The following TET3 variants were observed in gnomAD, a reference collection of about 807,000 sequenced individuals.
TET3 encodes methylcytosine dioxygenase TET3.
A neutral mutation model predicts 141.4 loss-of-function variants in TET3; 19 were observed. That is an observed-to-expected ratio of 0.13 (90% CI 0.09 to 0.20). TET3 has a LOEUF of 0.20. TET3 is among the 10% of genes least tolerant of loss of function. The probability of loss-of-function intolerance (pLI) is 1.00; values close to 1 mark genes in which losing one functional copy is unlikely to be tolerated. For synonymous variants in TET3, 1,043 were observed against 980.9 expected (o/e 1.06, Z -1.18); for missense variants, 1,874 against 2,356.9 (o/e 0.80, Z 4.24).
intron 5 of TET3, among the ~76,000 whole-genome samples, chr2:74,079,364 A>AT (rs1187365291): frequency 2.0e-5 from 3 of 152,198 alleles, no homozygotes; most frequent in Non-Finnish European, 1.5e-5. Context: ...AGAAAAAAAA[A>AT]GAAAGCCCCT....
chr2:74,052,197 C>T (rs1687982409), intron 4 of TET3, among the ~76,000 whole-genome samples: 1 of 152,214 alleles, frequency 6.6e-6, no homozygotes, highest in Non-Finnish European at 1.5e-5. Flanking sequence ...CCAGGCTGGT[C>T]TCAAACTCCT....
chr2:74,026,352 C>T (rs1686356846), intron 3 of TET3, among the ~76,000 whole-genome samples: 1 of 152,116 alleles, frequency 6.6e-6, no homozygotes, highest in South Asian at 2.1e-4. Flanking sequence ...TTTTAACACC[C>T]CTGTCACCCC....
At chr2:74,025,128 GC>G (rs1202941714) in intron 3 of TET3, among the ~76,000 whole-genome samples, 1 of 150,236 alleles carries the variant, frequency 6.7e-6, no homozygotes, top group Non-Finnish European at 1.5e-5. Context: ...GGAGGCTGAG[GC>G]AGGAGAATGG....
chr2:74,030,993 T>G (rs1686653188), intron 3 of TET3, among the ~76,000 whole-genome samples: 1 of 150,156 alleles, frequency 6.7e-6, no homozygotes, highest in African/African-American at 2.5e-5. Context: ...CGGGGGGGAG[T>G]TGCTGAGGAA....
rs187613106 is a variant in TET3 at position 74,035,074 on chromosome 2, C to T, written c.361-11204C>T. Among the ~76,000 whole-genome samples, 1,084 of 149,398 alleles carry T rather than the reference C, an allele frequency of 7.3e-3. 9 individuals carry two copies. Among genetic ancestry groups the T allele is most frequent in the Middle Eastern group, 0.018 (5 of 280 alleles). On this transcript the variant is annotated intron_variant, in intron 3 of 11. Transcript: ENST00000409262. Reference sequence around the variant, plus strand: ...AAAATCAGCCAGGTATGGTGGCGGGCGCCTGTAGTCCCAGCTATTCGGGAG... The same window carrying T: ...AAAATCAGCCAGGTATGGTGGCGGGTGCCTGTAGTCCCAGCTATTCGGGAG...
intron 3 of TET3, among the ~76,000 whole-genome samples, chr2:74,008,917 C>T (rs1057474642): frequency 2.6e-5 from 4 of 152,208 alleles, no homozygotes; most frequent in African/African-American, 7.2e-5. Context: ...GATTTCTCAA[C>T]CCCGCCTCCA....
intron 4 of TET3, among the ~76,000 whole-genome samples, chr2:74,064,980 T>C (rs937845058): frequency 6.6e-6 from 1 of 152,230 alleles, no homozygotes. Flanking sequence ...CCAACCTCCA[T>C]GTTGTTCAAG....
rs374857707 is a variant in TET3, at chr2:74,073,676, T to C, written c.2585+37T>C. 4.0e-6 allele frequency: 6 copies of C among 1,516,910 alleles called. No individual in the cohort carries two copies. The African/African-American group carries it at 8.4e-5, about 21-fold the overall frequency. 94.0% of individuals were successfully genotyped at this position (1,516,910 alleles called of 1,614,324 possible). A position where few individuals can be genotyped will look rare whatever the true frequency, so the allele number is the denominator to read the frequency against. ...ACAGATGTCCAAGGAGAAATGGATG[T>C]GCTGTTAATGGAATACGGATATTAA... On this transcript the variant is annotated intron_variant, in intron 5 of 11. Coordinates refer to ENST00000409262, the MANE Select transcript of TET3 (RefSeq NM_001287491.2).
chr2:74,002,819 G>A (rs1020071122), intron 2 of TET3: 1 of 570,008 alleles, frequency 1.8e-6, no homozygotes, highest in Admixed American at 3.1e-5. Context: ...GCGCGGGGCC[G>A]GGGATGGCCG....
At chr2:74,121,815 T>A in the TET3 span, 1 of 152,288 alleles carries the variant, frequency 6.6e-6, no homozygotes. Flanking sequence ...CTGGACAACA[T>A]GGTGAAACCC....
At chr2:74,116,549 T>C in the TET3 span, among the ~76,000 whole-genome samples, 4 of 151,448 alleles carry the variant, frequency 2.6e-5, no homozygotes, top group Admixed American at 6.6e-5. Context: ...TGTGGTGGTG[T>C]GTGTGTGTGC....
In TET3 at chr2:74,105,420, A is replaced by AT. The variant is rs1279023574; in HGVS notation, c.*3245dup. On this transcript the variant is annotated 3_prime_UTR_variant, in exon 12 of 12. Coordinates refer to ENST00000409262, the MANE Select transcript of TET3 (RefSeq NM_001287491.2). The stretch of plus-strand genomic sequence containing the variant: ...TCGCTTCGCAGCAGGTTCTCACAAA[A>AT]TAACTGGTGCTAGCTCAAGAAATCA... 2.5e-6 allele frequency: 1 copy of AT among 398,482 alleles called. No homozygotes were observed. Among genetic ancestry groups the AT allele is most frequent in the East Asian group, 3.6e-5 (1 of 28,090 alleles). The allele number at this position is 398,482 out of a possible 1,614,324, so 24.7% of individuals were successfully genotyped here. A position where few individuals can be genotyped will look rare whatever the true frequency, so the allele number is the denominator to read the frequency against.
intron 3 of TET3, among the ~76,000 whole-genome samples, chr2:74,027,091 T>TG (rs1422232149): frequency 1.3e-5 from 2 of 152,192 alleles, no homozygotes; most frequent in Admixed American, 1.3e-4. Context: ...GAGAGAGAAA[T>TG]GCTGATGAAC....
At position 73,985,020 on chromosome 2, in the gene TET3, T is replaced by G. The variant is rs34604399; in HGVS notation, c.-562T>G. The G allele has an allele frequency of 6.8e-6, 1 of 146,954 alleles. No homozygotes were observed. Among genetic ancestry groups the G allele is most frequent in the African/African-American group, 2.5e-5 (1 of 40,646 alleles). 9.1% of individuals were successfully genotyped at this position (146,954 alleles called of 1,614,324 possible). ...GGCCCGGGCGGGGGGCTCCGCGCGC[T>G]GAGCTCGGTCGGGCCGGGCGCTCCG... On this transcript the variant is annotated 5_prime_UTR_variant, in exon 1 of 12. Transcript: ENST00000409262.
In TET3 at chr2:74,046,538, C is replaced by G. The variant is rs1217488419; in HGVS notation, c.621C>G (p.Ala207=). The G allele has an allele frequency of 6.2e-7, 1 of 1,613,984 alleles. No homozygotes were observed. The highest frequency in any genetic ancestry group is 8.5e-7 in the Non-Finnish European group (1 of 1,179,874). The change falls in exon 4 of 12, where the codon GCC becomes GCG. Residue 207 remains alanine (A), a synonymous_variant. Coordinates refer to ENST00000409262, the MANE Select transcript of TET3 (RefSeq NM_001287491.2). This position sits in a 1 kb window ranked among gnomAD's most constrained non-coding sequence, Gnocchi z 4.3. ...AHDLVAFSAV[A]EAVSSYGALS... is the part of the protein sequence containing the mutation. ...ATCTGGTGGCCTTTTCGGCTGTGGC[C>G]GAAGCTGTGTCCTCTTATGGGGCCC...
At chr2:74,056,561 ACTT>A (rs1688228206) in intron 4 of TET3, among the ~76,000 whole-genome samples, 1 of 151,700 alleles carries the variant, frequency 6.6e-6, no homozygotes. Flanking sequence ...AACCACCTTC[ACTT>A]CTTCTCTCAG....
At chr2:74,131,385 G>A in the TET3 span, among the ~76,000 whole-genome samples, 1 of 152,138 alleles carries the variant, frequency 6.6e-6, no homozygotes, top group South Asian at 2.1e-4. Flanking sequence ...CGGTGGACTG[G>A]CTCTCCGCGG....
chr2:74,049,359 T>G (rs889327064), intron 4 of TET3, among the ~76,000 whole-genome samples: 4 of 152,098 alleles, frequency 2.6e-5, no homozygotes, highest in African/African-American at 9.7e-5. Context: ...GTGCCGTGTG[T>G]GAGAACGCGT....
In TET3 at chr2:74,052,830, A is replaced by G. The variant is rs904776920; in HGVS notation, c.2494+4419A>G. Among the ~76,000 whole-genome samples the G allele has an allele frequency of 1.2e-4, 18 of 152,220 alleles. No individual in the cohort carries two copies. The East Asian group carries it at 3.5e-3, about 29-fold the overall frequency. ...GGTTGCAGTGAGCTGAGATCACGCC[A>G]CTGCACTCCAGCCTGGGCGAAAGAG... On this transcript the variant is annotated intron_variant, in intron 4 of 11. Transcript: ENST00000409262.
Sources: allele counts gnomAD v4.1 joint callset (sites outside exome capture counted in the v4.1 genomes callset), GRCh38; gene constraint gnomAD v4.1.1; non-coding constraint Gnocchi (gnomAD v3.1); transcripts MANE v1.5; gene names NCBI Gene and HGNC (gene_info 2026-07-23, HGNC 2026-07-21).